CSMD1: variants seen among roughly 807,000 people sequenced by gnomAD.
The protein encoded by CSMD1 is CUB and Sushi multiple domains 1.
A neutral mutation model predicts 417.5 loss-of-function variants in CSMD1; 213 were observed. That is an observed-to-expected ratio of 0.51 (90% CI 0.46 to 0.57). The LOEUF is 0.57. Ranked by LOEUF, CSMD1 falls within the 20% of genes least tolerant of loss-of-function variation. The probability of loss-of-function intolerance (pLI) is 0.00; values close to 1 mark genes in which losing one functional copy is unlikely to be tolerated. For synonymous variants in CSMD1, 2,862 were observed against 1,736.8 expected, an observed-to-expected ratio of 1.65 and a Z score of -16.11; for missense variants, 6,923 against 4,529.7, an observed-to-expected ratio of 1.53 and a Z score of -15.17.
At chr8:4,498,061 T>C (rs992524445) in intron 2 of CSMD1, among the ~76,000 whole-genome samples, 1 of 152,126 alleles carries the variant, frequency 6.6e-6, no homozygotes, top group Non-Finnish European at 1.5e-5. Flanking sequence ...TCCATGTGTG[T>C]GAGATACCCT....
chr8:4,145,037 T>C (rs931497777), intron 3 of CSMD1, among the ~76,000 whole-genome samples: 1 of 151,202 alleles, frequency 6.6e-6, no homozygotes, highest in Non-Finnish European at 1.5e-5. Flanking sequence ...ACTTTTCCGC[T>C]TTTAAAATAT....
intron 1 of CSMD1, among the ~76,000 whole-genome samples, chr8:4,666,618 G>A (rs866172265): frequency 6.6e-6 from 1 of 152,100 alleles, no homozygotes; most frequent in Non-Finnish European, 1.5e-5. Context: ...TAATATTGTG[G>A]TAACTTATTA....
chr8:3,683,142 C>G (rs988861828), intron 7 of CSMD1, among the ~76,000 whole-genome samples: 4 of 151,910 alleles, frequency 2.6e-5, no homozygotes, highest in South Asian at 4.1e-4. Flanking sequence ...CACATGTATA[C>G]ATATGTAACA....
rs1806376982 is a variant in CSMD1, at chr8:2,991,427, G to C, written c.8377+6584C>G. On this transcript the variant is annotated intron_variant, in intron 54 of 69. Coordinates refer to ENST00000635120, the MANE Select transcript of CSMD1 (RefSeq NM_033225.6). ...AATGGAAATAATAAAAAGTACAAAA[G>C]TTTATATTCATCAAAATGAAACCAG... 2.6e-5 allele frequency among the ~76,000 whole-genome samples: 4 copies of C among 152,098 alleles called. No individual in the cohort carries two copies. In the South Asian group the frequency reaches 8.3e-4, roughly 31 times the overall value.
intron 3 of CSMD1, among the ~76,000 whole-genome samples, chr8:4,215,306 C>G (rs1273215472): frequency 6.6e-6 from 1 of 152,198 alleles, no homozygotes; most frequent in African/African-American, 2.4e-5. Flanking sequence ...TCCCTCCCCA[C>G]CACCCAATAG....
chr8:4,750,254 G>T (rs571878463), intron 1 of CSMD1, among the ~76,000 whole-genome samples: 4 of 151,086 alleles, frequency 2.6e-5, no homozygotes, highest in African/African-American at 4.9e-5. Flanking sequence ...TGATCCGCCC[G>T]CCTCGGCCTC....
intron 1 of CSMD1, among the ~76,000 whole-genome samples, chr8:4,646,795 C>G (rs893677279): frequency 2.6e-5 from 4 of 152,152 alleles, no homozygotes; most frequent in African/African-American, 7.2e-5. Context: ...GAAGCTAATA[C>G]AAGCTCTCTA....
intron 3 of CSMD1, among the ~76,000 whole-genome samples, chr8:4,114,787 C>T (rs541392091): frequency 6.6e-6 from 1 of 152,100 alleles, no homozygotes; most frequent in African/African-American, 2.4e-5. Context: ...GCAGAGGTAC[C>T]TGCAGATGTG....
intron 1 of CSMD1, among the ~76,000 whole-genome samples, chr8:4,722,772 C>T (rs1809144155): frequency 6.6e-6 from 1 of 152,096 alleles, no homozygotes; most frequent in Non-Finnish European, 1.5e-5. Context: ...CACTTGAACT[C>T]AACTACTTGA....
At chr8:3,449,696 T>C (rs1815564695) in intron 12 of CSMD1, among the ~76,000 whole-genome samples, 1 of 152,094 alleles carries the variant, frequency 6.6e-6, no homozygotes, top group South Asian at 2.1e-4. Flanking sequence ...TTTTGTATTT[T>C]TAGTAGAGAC....
chr8:3,821,196 G>C (rs911750013), intron 5 of CSMD1, among the ~76,000 whole-genome samples: 1 of 152,142 alleles, frequency 6.6e-6, no homozygotes, highest in East Asian at 1.9e-4. Flanking sequence ...GGGATTACAG[G>C]TGTGAACCAC....
chr8:4,063,917 T>G (rs1223772962), intron 3 of CSMD1, among the ~76,000 whole-genome samples: 1 of 152,196 alleles, frequency 6.6e-6, no homozygotes, highest in Non-Finnish European at 1.5e-5. Flanking sequence ...ATGTAGGTGA[T>G]AAATCATCTT....
chr8:4,617,098 A>G (rs1465712839), intron 2 of CSMD1, among the ~76,000 whole-genome samples: 1 of 152,096 alleles, frequency 6.6e-6, no homozygotes, highest in East Asian at 1.9e-4. Flanking sequence ...ATTTTTTCAA[A>G]ATGTTTTTGA....
chr8:4,453,333 T>C (rs540157568), intron 2 of CSMD1, among the ~76,000 whole-genome samples: 1 of 152,234 alleles, frequency 6.6e-6, no homozygotes, highest in South Asian at 2.1e-4. Context: ...AGACTCCCAC[T>C]GGGAACCAAC....
At chr8:4,720,334 T>G (rs1808972033) in intron 1 of CSMD1, among the ~76,000 whole-genome samples, 1 of 152,160 alleles carries the variant, frequency 6.6e-6, no homozygotes, top group Non-Finnish European at 1.5e-5. Context: ...TGCACCAGAA[T>G]AACATGGTAC....
chr8:4,124,568 G>T (rs187353321), intron 3 of CSMD1, among the ~76,000 whole-genome samples: 1 of 152,110 alleles, frequency 6.6e-6, no homozygotes, highest in Non-Finnish European at 1.5e-5. Flanking sequence ...ACCTGCGCCC[G>T]GTAGTGGGGA....
intron 2 of CSMD1, among the ~76,000 whole-genome samples, chr8:4,442,526 C>G (rs1429131156): frequency 6.6e-6 from 1 of 152,046 alleles, no homozygotes; most frequent in Non-Finnish European, 1.5e-5. Flanking sequence ...TGTCTGTTTA[C>G]CTGAAGAACC....
intron 1 of CSMD1, among the ~76,000 whole-genome samples, chr8:4,757,908 G>A (rs957452590): frequency 7.1e-5 from 10 of 140,124 alleles, no homozygotes; most frequent in Non-Finnish European, 9.0e-5. Flanking sequence ...GAAGGGAGCC[G>A]ACATTGTGCC....
intron 18 of CSMD1, among the ~76,000 whole-genome samples, chr8:3,379,561 T>C (rs754596477): frequency 6.6e-6 from 1 of 152,036 alleles, no homozygotes; most frequent in Non-Finnish European, 1.5e-5. Context: ...TATAGACCAA[T>C]GGAACAGAAC....
Sources: gnomAD v4.1 joint callset for allele counts (sites outside exome capture counted in the v4.1 genomes callset) on GRCh38, gnomAD v4.1.1 for gene constraint, MANE v1.5 for transcripts, NCBI Gene and HGNC (gene_info 2026-07-23, HGNC 2026-07-21) for gene names.